Variants in UNC5C observed in about 807,000 individuals in gnomAD.
The protein encoded by UNC5C is netrin receptor UNC5C.
UNC5C carries 47 observed loss-of-function variants against 99.8 expected under a neutral mutation model. That is an observed-to-expected ratio of 0.47 (90% CI 0.37 to 0.60). UNC5C has a LOEUF of 0.60. Among genes scored for constraint, UNC5C ranks in the 20% least tolerant of loss-of-function variants. The pLI, the probability that UNC5C is intolerant of heterozygous loss-of-function variation, is 0.00. For missense variants in UNC5C, 1,062 were observed against 1,165.9 expected (o/e 0.91, Z 1.30); for synonymous variants, 487 against 452.2 (o/e 1.08, Z -0.98).
intron 3 of UNC5C, among the ~76,000 whole-genome samples, chr4:95,298,660 G>C (rs1741760892): frequency 6.6e-6 from 1 of 151,966 alleles, no homozygotes; most frequent in South Asian, 2.1e-4. Flanking sequence ...TTTCTTCGTG[G>C]CACTTACCAT....
intron 1 of UNC5C, among the ~76,000 whole-genome samples, chr4:95,470,107 G>A (rs746192264): frequency 1.4e-4 from 21 of 151,984 alleles, no homozygotes; most frequent in Admixed American, 3.9e-4. Context: ...TATGTTTTTC[G>A]AATGGGTTTG....
chr4:95,199,981 AGGCTT>A (rs1244654047), intron 12 of UNC5C, among the ~76,000 whole-genome samples: 3 of 152,210 alleles, frequency 2.0e-5, no homozygotes, highest in African/African-American at 7.2e-5. Flanking sequence ...AAAATCTTAC[AGGCTT>A]GACTATCAAA....
At chr4:95,351,846 A>G (rs1445019619) in intron 1 of UNC5C, among the ~76,000 whole-genome samples, 1 of 152,076 alleles carries the variant, frequency 6.6e-6, no homozygotes, top group Admixed American at 6.6e-5. Flanking sequence ...GACACCTCTG[A>G]ATACAGTGCC....
At chr4:95,189,153 T>G (rs1736962446) in intron 12 of UNC5C, among the ~76,000 whole-genome samples, 1 of 152,218 alleles carries the variant, frequency 6.6e-6, no homozygotes, top group South Asian at 2.1e-4. Flanking sequence ...TTGCAGAAGT[T>G]GTCCTTCCTA....
chr4:95,447,312 T>C (rs7662972), intron 1 of UNC5C, among the ~76,000 whole-genome samples: 45,311 of 152,074 alleles, frequency 0.3, 7,005 homozygotes, highest in African/African-American at 0.36. Context: ...TTGAGCACTT[T>C]ATATGTATCA....
chr4:95,260,636 T>C (rs1422791840), intron 4 of UNC5C, among the ~76,000 whole-genome samples: 2 of 152,150 alleles, frequency 1.3e-5, no homozygotes, highest in African/African-American at 2.4e-5. Flanking sequence ...TAAAGAATAA[T>C]GACCATTCTT....
intron 12 of UNC5C, among the ~76,000 whole-genome samples, chr4:95,200,787 C>A (rs141088693): frequency 2.4e-4 from 37 of 152,256 alleles, no homozygotes; most frequent in Non-Finnish European, 4.6e-4. Context: ...TCTAACCGTG[C>A]CTTGGGCATC....
intron 12 of UNC5C, among the ~76,000 whole-genome samples, chr4:95,187,468 A>G (rs2149352726): frequency 6.6e-6 from 1 of 152,338 alleles, no homozygotes; most frequent in African/African-American, 2.4e-5. Flanking sequence ...CAATCAACAT[A>G]GACTGCCAGA....
chr4:95,229,797 CTTTTTTT>C (rs71583694), intron 7 of UNC5C, among the ~76,000 whole-genome samples: 1,593 of 79,282 alleles, frequency 0.02, 4 homozygotes, highest in Middle Eastern at 0.05. Context: ...CTGTTGTTTC[CTTTTTTT>C]TTTTTTTTTT....
At chr4:95,481,838 C>G (rs992021130) in intron 1 of UNC5C, among the ~76,000 whole-genome samples, 2 of 152,006 alleles carry the variant, frequency 1.3e-5, no homozygotes, top group African/African-American at 4.8e-5. Context: ...CCCTTCCTTA[C>G]ATCTTATACA....
At chr4:95,357,658 G>A (rs1024915954) in intron 1 of UNC5C, among the ~76,000 whole-genome samples, 3 of 151,970 alleles carry the variant, frequency 2.0e-5, no homozygotes, top group African/African-American at 7.2e-5. Flanking sequence ...CAGGTTTGGT[G>A]GTGCATGCCT....
intron 4 of UNC5C, among the ~76,000 whole-genome samples, chr4:95,257,965 A>G (rs1434594870): frequency 6.6e-6 from 1 of 152,240 alleles, no homozygotes; most frequent in East Asian, 1.9e-4. Flanking sequence ...TGTGAGAATA[A>G]TTCTGTTTAT....
At chr4:95,428,515 A>C (rs1013519314) in intron 1 of UNC5C, among the ~76,000 whole-genome samples, 1 of 152,156 alleles carries the variant, frequency 6.6e-6, no homozygotes, top group Non-Finnish European at 1.5e-5. Context: ...TGCCTTTGAT[A>C]GGAGTGATAA....
chr4:95,257,789 C>G (rs1740063395), intron 4 of UNC5C, among the ~76,000 whole-genome samples: 1 of 152,156 alleles, frequency 6.6e-6, no homozygotes. Flanking sequence ...ACTTCTGCTT[C>G]TTTTGGATCA....
At chr4:95,469,304 A>T (rs10856916) in intron 1 of UNC5C, among the ~76,000 whole-genome samples, 51,595 of 151,990 alleles carry the variant, frequency 0.34, 9,507 homozygotes, top group Non-Finnish European at 0.39. Context: ...TTATCTTGAC[A>T]TTTAAAATCT....
intron 1 of UNC5C, among the ~76,000 whole-genome samples, chr4:95,354,576 C>T (rs1744111367): frequency 6.7e-6 from 1 of 150,358 alleles, no homozygotes; most frequent in Non-Finnish European, 1.5e-5. Context: ...AATGTCTGGG[C>T]TCAAGCCATC....
Position 95,202,734 on chromosome 4 carries a change from C to G in UNC5C, c.2133G>C (p.Leu711=), listed in dbSNP as rs750220943. Reference sequence around the variant, plus strand: ...AGGCTAGGTGGGAGGCACTTACCTTCAGGGCATCCTGGGTGTCATCCAGAC... The same window carrying G: ...AGGCTAGGTGGGAGGCACTTACCTTGAGGGCATCCTGGGTGTCATCCAGAC... ...VYCLDDTQDA[L]KEILHLERQM... The change falls in exon 12 of 16, where the codon CTG becomes CTC. Residue 711 remains leucine, a synonymous_variant. Transcript: ENST00000453304. 1 of 1,613,890 alleles carries G rather than the reference C, an allele frequency of 6.2e-7. No homozygotes were observed.
intron 2 of UNC5C, among the ~76,000 whole-genome samples, chr4:95,323,762 G>C (rs1474738425): frequency 6.6e-6 from 1 of 152,184 alleles, no homozygotes; most frequent in East Asian, 1.9e-4. Flanking sequence ...TTCGGGTCAG[G>C]TGCGGTGGCT....
chr4:95,529,415 CA>C (rs1722582571), intron 1 of UNC5C, among the ~76,000 whole-genome samples: 1 of 150,018 alleles, frequency 6.7e-6, no homozygotes, highest in Non-Finnish European at 1.5e-5. Flanking sequence ...CTTCTAGTCA[CA>C]TTTATCCTCA....
Sources: gnomAD v4.1 joint callset for allele counts (sites outside exome capture counted in the v4.1 genomes callset) on GRCh38, gnomAD v4.1.1 for gene constraint, MANE v1.5 for transcripts, NCBI Gene and HGNC (gene_info 2026-07-23, HGNC 2026-07-21) for gene names.